Variants in ADCY2 observed in about 807,000 individuals in gnomAD.
ADCY2 encodes the protein adenylate cyclase type 2.
A neutral mutation model predicts 125.2 loss-of-function variants in ADCY2; 31 were observed. The ratio of observed to expected loss-of-function variants is 0.25; its 90% CI spans 0.19 to 0.33. The LOEUF (loss-of-function observed/expected upper bound fraction) is 0.33. Ranked by LOEUF, ADCY2 falls within the 10% of genes least tolerant of loss-of-function variation. The pLI is 1.00. For missense variants in ADCY2, 904 were observed against 1,418.2 expected, an observed-to-expected ratio of 0.64 and a Z score of 5.82; for synonymous variants, 512 against 548.4, an observed-to-expected ratio of 0.93 and a Z score of 0.93.
intron 2 of ADCY2, among the ~76,000 whole-genome samples, chr5:7,428,809 T>C (rs1259338272): frequency 1.3e-5 from 2 of 152,168 alleles, no homozygotes; most frequent in Non-Finnish European, 2.9e-5. Context: ...AAATTGACCC[T>C]GATAAGAAGG....
chr5:7,507,396 A>G (rs568291316), intron 2 of ADCY2, among the ~76,000 whole-genome samples: 40 of 113,256 alleles, frequency 3.5e-4, no homozygotes, highest in Non-Finnish European at 4.6e-4. Flanking sequence ...AGCCGAGATC[A>G]TACCACTGCA....
intron 15 of ADCY2, among the ~76,000 whole-genome samples, chr5:7,749,476 C>T (rs1742734625): frequency 6.6e-6 from 1 of 152,152 alleles, no homozygotes. Context: ...TTCAAGTTCA[C>T]ATTTTCATTA....
intron 2 of ADCY2, among the ~76,000 whole-genome samples, chr5:7,501,618 C>G (rs1417422533): frequency 1.0e-5 from 1 of 96,766 alleles, no homozygotes; most frequent in Non-Finnish European, 2.2e-5. Context: ...TTCCTCATAT[C>G]CCATCAAAAA....
chr5:7,607,596 C>T (rs1426470038), intron 3 of ADCY2, among the ~76,000 whole-genome samples: 1 of 152,180 alleles, frequency 6.6e-6, no homozygotes, highest in Non-Finnish European at 1.5e-5. Context: ...TTTCCAATTG[C>T]TAACAACAAA....
chr5:7,751,016 C>T (rs1433711803), intron 15 of ADCY2, among the ~76,000 whole-genome samples: 1 of 152,130 alleles, frequency 6.6e-6, no homozygotes, highest in African/African-American at 2.4e-5. Flanking sequence ...GTCTCAGTCT[C>T]TTTTTCCTAT....
rs556723445 is a variant in ADCY2 at position 7,698,180 on chromosome 5, A to G, written c.982-67A>G. On this transcript the variant is annotated intron_variant, in intron 6 of 24. Coordinates refer to ENST00000338316, the MANE Select transcript of ADCY2 (RefSeq NM_020546.3). ...GTGAGCAGAGCTGGCGCTTGATGAT[A>G]TTACATGAATCTAGATCATTCTGCA... The G allele has an allele frequency of 4.5e-5, 72 of 1,596,016 alleles. 3 individuals are homozygous for G. The South Asian group carries it at 7.6e-4, about 17-fold the overall frequency.
intron 22 of ADCY2, among the ~76,000 whole-genome samples, chr5:7,814,273 C>A (rs781559852): frequency 2.0e-5 from 3 of 152,024 alleles, no homozygotes; most frequent in African/African-American, 4.8e-5. Flanking sequence ...AGATTTAATT[C>A]TTCTTCTCCA....
chr5:7,510,374 T>C (rs946850188), intron 2 of ADCY2, among the ~76,000 whole-genome samples: 3 of 152,212 alleles, frequency 2.0e-5, no homozygotes, highest in African/African-American at 7.2e-5. Context: ...CTGCAGTGGC[T>C]GTCACTATAG....
chr5:7,821,057 A>G (rs1390398140), intron 24 of ADCY2, among the ~76,000 whole-genome samples: 1 of 152,124 alleles, frequency 6.6e-6, no homozygotes, highest in Non-Finnish European at 1.5e-5. Context: ...CCAAAACCAG[A>G]CACAACCCCT....
chr5:7,603,784 C>CTTTTTTTTTTTT, intron 3 of ADCY2, among the ~76,000 whole-genome samples: 88 of 62,788 alleles, frequency 1.4e-3, no homozygotes, highest in African/African-American at 1.5e-3. Context: ...TGCTCTCTTT[C>CTTTTTTTTTTTT]TTTTTTTTTT....
At chr5:7,635,704 T>C (rs1405553046) in intron 4 of ADCY2, among the ~76,000 whole-genome samples, 6 of 151,230 alleles carry the variant, frequency 4.0e-5, no homozygotes, top group African/African-American at 1.5e-4. Context: ...AAGGAGAGAG[T>C]GGGATTAGAA....
intron 14 of ADCY2, among the ~76,000 whole-genome samples, chr5:7,729,646 A>G (rs757137356): frequency 3.3e-5 from 5 of 151,060 alleles, no homozygotes; most frequent in Non-Finnish European, 7.4e-5. Flanking sequence ...AAGTAAAGAA[A>G]TAAAATAATG....
At chr5:7,491,411 T>C (rs1250280304) in intron 2 of ADCY2, among the ~76,000 whole-genome samples, 1 of 152,168 alleles carries the variant, frequency 6.6e-6, no homozygotes, top group African/African-American at 2.4e-5. Context: ...AAATGATATA[T>C]ATTTTTTATC....
intron 2 of ADCY2, among the ~76,000 whole-genome samples, chr5:7,481,710 T>A (rs2126473803): frequency 6.6e-6 from 1 of 152,330 alleles, no homozygotes; most frequent in African/African-American, 2.4e-5. Flanking sequence ...TAATTCCTTG[T>A]CAGAACAGCA....
At chr5:7,734,180 G>A (rs1742182785) in intron 14 of ADCY2, among the ~76,000 whole-genome samples, 1 of 152,218 alleles carries the variant, frequency 6.6e-6, no homozygotes, top group Admixed American at 6.5e-5. Flanking sequence ...TAGGGAGGAA[G>A]TAAGGGAAAT....
chr5:7,468,585 A>G (rs1199846197), intron 2 of ADCY2, among the ~76,000 whole-genome samples: 1 of 152,200 alleles, frequency 6.6e-6, no homozygotes, highest in Non-Finnish European at 1.5e-5. Context: ...TATGTCACCA[A>G]TCACAAAAGT....
At chr5:7,410,008 C>T (rs1739648713) in intron 1 of ADCY2, among the ~76,000 whole-genome samples, 1 of 152,138 alleles carries the variant, frequency 6.6e-6, no homozygotes, top group Admixed American at 6.5e-5. Context: ...TCCACACATC[C>T]ATTTGTAGTC....
chr5:7,422,341 T>C, intron 2 of ADCY2, among the ~76,000 whole-genome samples: 1 of 152,124 alleles, frequency 6.6e-6, no homozygotes, highest in East Asian at 1.9e-4. Context: ...GTGCCCAGCC[T>C]GTTTAATGAT....
chr5:7,698,598 T>G (rs1198216652), intron 7 of ADCY2, among the ~76,000 whole-genome samples: 1 of 152,322 alleles, frequency 6.6e-6, no homozygotes, highest in East Asian at 1.9e-4. Context: ...CCATGTGTTC[T>G]CATTGTTCAA....
Sources: gnomAD v4.1 joint callset for allele counts (sites outside exome capture counted in the v4.1 genomes callset) on GRCh38, gnomAD v4.1.1 for gene constraint, MANE v1.5 for transcripts, NCBI Gene and HGNC (gene_info 2026-07-23, HGNC 2026-07-21) for gene names.